IGF2BP3: variants seen among roughly 807,000 people sequenced by gnomAD.
IGF2BP3 encodes insulin-like growth factor 2 mRNA-binding protein 3.
A neutral mutation model predicts 73.8 loss-of-function variants in IGF2BP3; 9 were observed. The observed-to-expected ratio is 0.12, with a 90% CI of 0.07 to 0.21. The LOEUF (loss-of-function observed/expected upper bound fraction) is 0.21, where lower values mean the gene tolerates loss of function less well. Among genes scored for constraint, IGF2BP3 ranks in the 10% least tolerant of loss-of-function variants. The pLI is 1.00. For synonymous variants in IGF2BP3, 258 were observed against 256.7 expected, an observed-to-expected ratio of 1.01 and a Z score of -0.05; for missense variants, 542 against 714.0, an observed-to-expected ratio of 0.76 and a Z score of 2.75.
At chr7:23,365,811 G>A (rs557528346) in intron 3 of IGF2BP3, 3 of 152,732 alleles carry the variant, frequency 2.0e-5, no homozygotes, top group African/African-American at 7.2e-5. Context: ...CAACAAAGTT[G>A]TCTGGGCCAA....
chr7:23,405,236 T>G (rs1032009305), intron 3 of IGF2BP3: 4 of 152,182 alleles, frequency 2.6e-5, no homozygotes, highest in Admixed American at 2.0e-4. Context: ...AACTTAAACT[T>G]TAGTTCCAGG....
intron 10 of IGF2BP3, among the ~76,000 whole-genome samples, chr7:23,329,285 G>A (rs1784385140): frequency 6.6e-6 from 1 of 151,830 alleles, no homozygotes; most frequent in South Asian, 2.1e-4. Context: ...ACCTTAACTT[G>A]GATATCTTTT....
chr7:23,468,343 T>C, intron 2 of IGF2BP3, 139 bp downstream of exon 2: 2 of 862,992 alleles, frequency 2.3e-6, no homozygotes, highest in East Asian at 2.4e-5. Flanking sequence ...GCCATAAACT[T>C]AAAAGCAAGG....
chr7:23,458,130 G>A (rs1351089331), intron 2 of IGF2BP3, among the ~76,000 whole-genome samples: 1 of 152,012 alleles, frequency 6.6e-6, no homozygotes, highest in African/African-American at 2.4e-5. Flanking sequence ...TACACACATT[G>A]TCCAACAGGA....
chr7:23,347,301 GC>G (rs1217213955), intron 7 of IGF2BP3, among the ~76,000 whole-genome samples: 1 of 152,144 alleles, frequency 6.6e-6, no homozygotes, highest in Non-Finnish European at 1.5e-5. Flanking sequence ...AAGATTTGGG[GC>G]TCCTGTTTTG....
At chr7:23,350,689 G>T (rs562365227) in intron 6 of IGF2BP3, among the ~76,000 whole-genome samples, 1 of 152,058 alleles carries the variant, frequency 6.6e-6, no homozygotes, top group African/African-American at 2.4e-5. Flanking sequence ...CTTGGCCCTG[G>T]GGCTACAGTA....
At chr7:23,320,894 G>A (rs1784119435) in intron 10 of IGF2BP3, among the ~76,000 whole-genome samples, 1 of 138,908 alleles carries the variant, frequency 7.2e-6, no homozygotes, top group African/African-American at 2.8e-5. Flanking sequence ...AGGATGCAGT[G>A]AGCTGAGATC....
At chr7:23,324,018 A>T (rs1292367839) in intron 10 of IGF2BP3, among the ~76,000 whole-genome samples, 3 of 152,198 alleles carry the variant, frequency 2.0e-5, no homozygotes, top group Admixed American at 6.5e-5. Context: ...GACCTAGAAA[A>T]GCAAGAGAAA....
chr7:23,351,921 C>T (rs752291028), intron 5 of IGF2BP3, among the ~76,000 whole-genome samples: 8 of 152,184 alleles, frequency 5.3e-5, no homozygotes, highest in South Asian at 4.1e-4. Context: ...AGGTTACTAA[C>T]GGTTTAGGAA....
chr7:23,326,409 AG>A (rs1363788147), intron 10 of IGF2BP3, among the ~76,000 whole-genome samples: 4 of 152,086 alleles, frequency 2.6e-5, no homozygotes, highest in African/African-American at 9.7e-5. Context: ...TTAAAAAGTC[AG>A]GAAACAACAG....
intron 2 of IGF2BP3, among the ~76,000 whole-genome samples, chr7:23,426,657 T>A (rs562087246): frequency 6.6e-4 from 101 of 152,340 alleles, no homozygotes; most frequent in Admixed American, 1.2e-3. Context: ...GTTTAATACA[T>A]TCCTCTGTTC....
At chr7:23,343,875 A>T in intron 8 of IGF2BP3, 22 bp from the exon 9 acceptor site, 1 of 1,602,900 alleles carries the variant, frequency 6.2e-7, no homozygotes, top group East Asian at 2.2e-5. Context: ...AAAAGAAGGG[A>T]AAGAAAAAGA....
chr7:23,315,783 G>C, intron 12 of IGF2BP3, among the ~76,000 whole-genome samples: 1 of 152,114 alleles, frequency 6.6e-6, no homozygotes, highest in East Asian at 1.9e-4. Context: ...AAAAATACGG[G>C]GTAGGTGGTT....
At chr7:23,372,484 C>A (rs1785583460) in intron 3 of IGF2BP3, among the ~76,000 whole-genome samples, 1 of 152,204 alleles carries the variant, frequency 6.6e-6, no homozygotes, top group Non-Finnish European at 1.5e-5. Flanking sequence ...TCCTCCCACC[C>A]TTTCCGCCGA....
rs1784963565 is a variant in IGF2BP3 at position 23,351,583 on chromosome 7, T to C, written c.405A>G (p.Ala135=). Residue 135 remains alanine (A), a synonymous_variant, in exon 6 of 15, where the codon GCA becomes GCG. Coordinates refer to ENST00000258729, the MANE Select transcript of IGF2BP3 (RefSeq NM_006547.3). ...TYSSKDQARQ[A]LDKLNGFQLE... ...ACTGAAATCCATTCAGTTTGTCTAGTGCTCTGAAAGTTGAAAAGGGGCAGG... is the reference window on the plus strand; with the variant it reads ...ACTGAAATCCATTCAGTTTGTCTAGCGCTCTGAAAGTTGAAAAGGGGCAGG... 1 of 1,614,044 alleles carries C rather than the reference T, an allele frequency of 6.2e-7. No homozygotes were observed. The highest frequency in any genetic ancestry group is 8.5e-7 in the Non-Finnish European group (1 of 1,179,996).
intron 12 of IGF2BP3, among the ~76,000 whole-genome samples, chr7:23,316,245 T>C (rs899020640): frequency 6.6e-6 from 1 of 152,192 alleles, no homozygotes; most frequent in Non-Finnish European, 1.5e-5. Context: ...AAAGCAGCTT[T>C]GGGTTTTTAG....
intron 2 of IGF2BP3, among the ~76,000 whole-genome samples, chr7:23,442,292 T>C (rs928990599): frequency 9.8e-5 from 15 of 152,336 alleles, no homozygotes; most frequent in South Asian, 4.1e-4. Flanking sequence ...ACTGCAAACA[T>C]CAACAACATT....
chr7:23,446,531 T>C (rs1246284275), intron 2 of IGF2BP3, among the ~76,000 whole-genome samples: 1 of 152,128 alleles, frequency 6.6e-6, no homozygotes, highest in African/African-American at 2.4e-5. Flanking sequence ...CACTGCTGCC[T>C]GGGCGACAGA....
chr7:23,439,430 G>C (rs1021904615), intron 2 of IGF2BP3, among the ~76,000 whole-genome samples: 9 of 151,508 alleles, frequency 5.9e-5, no homozygotes, highest in South Asian at 4.2e-4. Context: ...GTGGTGGCGG[G>C]CGCCTGTAGT....
Sources: gnomAD v4.1 joint callset for allele counts (sites outside exome capture counted in the v4.1 genomes callset) on GRCh38, gnomAD v4.1.1 for gene constraint, MANE v1.5 for transcripts, NCBI Gene and HGNC (gene_info 2026-07-23, HGNC 2026-07-21) for gene names.